LUZP2: variants seen among roughly 807,000 people sequenced by gnomAD.
The protein encoded by LUZP2 is leucine zipper protein 2.
In LUZP2, 52 loss-of-function variants were observed where a neutral mutation model predicts 51.6. The observed-to-expected ratio is 1.01, with a 90% confidence interval of 0.81 to 1.27. The LOEUF (loss-of-function observed/expected upper bound fraction) is 1.27. Ranked by LOEUF, LUZP2 falls within the 50% of genes most tolerant of loss-of-function variation. LUZP2 has a pLI of 0.00. For synonymous variants in LUZP2, 154 were observed against 137.3 expected (o/e 1.12, Z -0.85); for missense variants, 436 against 395.4 (o/e 1.10, Z -0.87).
At chr11:25,032,870 A>C (rs181054469) in intron 9 of LUZP2, among the ~76,000 whole-genome samples, 32 of 152,282 alleles carry the variant, frequency 2.1e-4, no homozygotes, top group African/African-American at 7.7e-4. Context: ...ATTTATTCTG[A>C]AGTTAGATCA....
At chr11:24,903,101 T>C (rs1455110795) in intron 5 of LUZP2, among the ~76,000 whole-genome samples, 2 of 152,176 alleles carry the variant, frequency 1.3e-5, no homozygotes, top group South Asian at 4.1e-4. Flanking sequence ...TCCCCTATTT[T>C]GTCTCCATTT....
chr11:24,583,805 A>G (rs572579123), intron 1 of LUZP2, among the ~76,000 whole-genome samples: 95 of 149,580 alleles, frequency 6.4e-4, no homozygotes, highest in Admixed American at 1.1e-3. Context: ...CCGGGTTCAC[A>G]CCATTCTCCT....
rs118178526 is a variant in LUZP2 at position 24,760,883 on chromosome 11, T to C, written c.334-2363T>C. ...GTTTCTATTTCTGTAACAACTGACT[T>C]CCTCTGCATATTACTTATGCAACAC... is the stretch of plus-strand genomic sequence containing the variant. On this transcript the variant is annotated intron_variant, in intron 4 of 11. Transcript: ENST00000336930. Among the ~76,000 whole-genome samples the C allele has an allele frequency of 3.6e-3, 551 of 152,308 alleles. 1 individual carries two copies. Among genetic ancestry groups the C allele is most frequent in the Non-Finnish European group, 6.3e-3 (431 of 68,022 alleles).
At chr11:24,630,426 C>G (rs945348472) in intron 1 of LUZP2, among the ~76,000 whole-genome samples, 2 of 151,994 alleles carry the variant, frequency 1.3e-5, no homozygotes, top group African/African-American at 4.8e-5. Context: ...ATTTTCCTAG[C>G]ACCATTTATT....
At chr11:24,574,645 G>GT (rs1308516013) in intron 1 of LUZP2, among the ~76,000 whole-genome samples, 1 of 151,916 alleles carries the variant, frequency 6.6e-6, no homozygotes, top group Non-Finnish European at 1.5e-5. Context: ...GAGCACTGGG[G>GT]TGAGTAAGTG....
chr11:24,583,507 A>G (rs1185169628), intron 1 of LUZP2, among the ~76,000 whole-genome samples: 1 of 145,442 alleles, frequency 6.9e-6, no homozygotes, highest in Admixed American at 6.9e-5. Context: ...CTGTCATAAC[A>G]TAACTTTTAA....
intron 5 of LUZP2, among the ~76,000 whole-genome samples, chr11:24,890,081 T>C (rs184010098): frequency 1.3e-5 from 2 of 152,304 alleles, no homozygotes; most frequent in East Asian, 1.9e-4. Flanking sequence ...GAAATCCGTA[T>C]ATTCAGATGG....
At chr11:24,753,200 T>C (rs1035410177) in intron 4 of LUZP2, among the ~76,000 whole-genome samples, 3 of 152,094 alleles carry the variant, frequency 2.0e-5, no homozygotes, top group Non-Finnish European at 4.4e-5. Flanking sequence ...AAAATACAAT[T>C]GATAATTTTA....
chr11:24,645,581 C>A (rs1046175799), intron 1 of LUZP2, among the ~76,000 whole-genome samples: 1 of 152,100 alleles, frequency 6.6e-6, no homozygotes, highest in Non-Finnish European at 1.5e-5. Context: ...GGTTCTAAAA[C>A]AAACAGAGGC....
intron 5 of LUZP2, among the ~76,000 whole-genome samples, chr11:24,767,186 A>G (rs1247939180): frequency 1.3e-5 from 2 of 152,214 alleles, no homozygotes; most frequent in Non-Finnish European, 2.9e-5. Flanking sequence ...TGTAATTTGT[A>G]GAATATAAGA....
At position 24,706,529 on chromosome 11, in the gene LUZP2, G is replaced by T. The variant is rs1590375245; in HGVS notation, c.63-22640G>T. On this transcript the variant is annotated intron_variant, in intron 1 of 11. Coordinates refer to ENST00000336930, the MANE Select transcript of LUZP2 (RefSeq NM_001009909.4). ...CTGCCCTTGTTTCCATTCTCTTCCT[G>T]TGCGGCCTTCTCTCAGTTGTCTAAT... is the stretch of plus-strand genomic sequence containing the variant. 2.0e-5 allele frequency among the ~76,000 whole-genome samples: 3 copies of T among 151,994 alleles called. 1 individual carries two copies. Among genetic ancestry groups the T allele is most frequent in the Non-Finnish European group, 4.4e-5 (3 of 68,020 alleles).
At chr11:24,842,527 C>T (rs1329282330) in intron 5 of LUZP2, among the ~76,000 whole-genome samples, 1 of 151,726 alleles carries the variant, frequency 6.6e-6, no homozygotes, top group Non-Finnish European at 1.5e-5. Context: ...AAATGTTGAC[C>T]TCTGTACTCA....
At chr11:24,788,399 T>G (rs1439020142) in intron 5 of LUZP2, among the ~76,000 whole-genome samples, 2 of 151,520 alleles carry the variant, frequency 1.3e-5, no homozygotes, top group African/African-American at 4.8e-5. Context: ...CATATTGGCC[T>G]GGCTGGTCTT....
intron 1 of LUZP2, among the ~76,000 whole-genome samples, chr11:24,542,443 A>G (rs1851399952): frequency 6.6e-6 from 1 of 152,080 alleles, no homozygotes; most frequent in African/African-American, 2.4e-5. Context: ...GTATGTCTTC[A>G]GGATTCTTAT....
intron 1 of LUZP2, among the ~76,000 whole-genome samples, chr11:24,573,009 A>C (rs1315523681): frequency 6.6e-6 from 1 of 152,034 alleles, no homozygotes; most frequent in African/African-American, 2.4e-5. Flanking sequence ...AATATTCTTT[A>C]TTTGACTTCC....
At chr11:24,653,922 G>A (rs941344642) in intron 1 of LUZP2, among the ~76,000 whole-genome samples, 1 of 152,180 alleles carries the variant, frequency 6.6e-6, no homozygotes, top group Admixed American at 6.5e-5. Flanking sequence ...CAAAAGAGCA[G>A]TGTGGATAAA....
intron 9 of LUZP2, 123 bp from the exon 10 acceptor site, chr11:25,049,915 A>T (rs1435568928): frequency 4.7e-6 from 2 of 428,300 alleles, no homozygotes; most frequent in Non-Finnish European, 8.1e-6. Flanking sequence ...TTTTATTTTG[A>T]TTGTAATGTT....
intron 5 of LUZP2, among the ~76,000 whole-genome samples, chr11:24,852,767 G>A (rs771141278): frequency 2.0e-5 from 3 of 152,130 alleles, no homozygotes; most frequent in Non-Finnish European, 4.4e-5. Context: ...TGTATTGGGT[G>A]CATATATATT....
chr11:24,505,739 G>A (rs1311200743), intron 1 of LUZP2, among the ~76,000 whole-genome samples: 3 of 151,874 alleles, frequency 2.0e-5, no homozygotes, highest in African/African-American at 7.3e-5. Flanking sequence ...ATAATTTGGG[G>A]GCAATGTGGA....
Sources: allele counts gnomAD v4.1 joint callset (sites outside exome capture counted in the v4.1 genomes callset), GRCh38; gene constraint gnomAD v4.1.1; transcripts MANE v1.5; gene names NCBI Gene and HGNC (gene_info 2026-07-23, HGNC 2026-07-21).